WWOX: variants seen among roughly 807,000 people sequenced by gnomAD.
The protein encoded by WWOX is WW domain-containing oxidoreductase.
Under a neutral mutation model 46.2 loss-of-function variants are expected in WWOX, and 69 were observed. The observed-to-expected ratio is 1.49, with a 90% CI of 1.23 to 1.82. The LOEUF (loss-of-function observed/expected upper bound fraction) is 1.82, where lower values mean the gene tolerates loss of function less well. WWOX is among the 40% of genes most tolerant of loss of function. The probability of loss-of-function intolerance (pLI) is 0.00; values close to 1 mark genes in which losing one functional copy is unlikely to be tolerated. For missense variants in WWOX, 919 were observed against 542.6 expected (o/e 1.69, Z -6.89); for synonymous variants, 359 against 202.6 (o/e 1.77, Z -6.56).
chr16:78,685,312 A>G (rs74032724), intron 8 of WWOX, among the ~76,000 whole-genome samples: 13,352 of 152,088 alleles, frequency 0.088, 1,190 homozygotes, highest in African/African-American at 0.23. Flanking sequence ...TTGGGAAGCT[A>G]TTCTGCAGCC....
intron 8 of WWOX, among the ~76,000 whole-genome samples, chr16:78,993,742 T>C (rs1279690923): frequency 6.6e-6 from 1 of 152,176 alleles, no homozygotes; most frequent in Non-Finnish European, 1.5e-5. Context: ...CTAATATTTA[T>C]ATAACACACT....
chr16:78,553,398 G>T (rs1402706131), intron 8 of WWOX: 1 of 152,348 alleles, frequency 6.6e-6, no homozygotes, highest in East Asian at 1.9e-4. Flanking sequence ...GGACACAGGG[G>T]TTGTCTTTAG....
intron 8 of WWOX, 89 bp from the exon 9 acceptor site, chr16:79,211,519 G>C: frequency 2.0e-6 from 3 of 1,537,180 alleles, no homozygotes; most frequent in Non-Finnish European, 2.7e-6. Context: ...AGGTGGGGGA[G>C]GCCTGCTAAT....
chr16:79,133,956 A>C (rs936571605), intron 8 of WWOX, among the ~76,000 whole-genome samples: 3 of 152,190 alleles, frequency 2.0e-5, no homozygotes, highest in African/African-American at 7.2e-5. Flanking sequence ...GCAAGTCCTC[A>C]AGAAGAAAAA....
In WWOX at chr16:78,751,951, C is replaced by G. The variant is rs534280523; in HGVS notation, c.1056+319199C>G. 2.7e-4 allele frequency among the ~76,000 whole-genome samples: 41 copies of G among 152,220 alleles called. No homozygotes were observed. In the South Asian group the frequency reaches 6.4e-3, roughly 24 times the overall value. On this transcript the variant is annotated intron_variant, in intron 8 of 8. Coordinates refer to ENST00000566780, the MANE Select transcript of WWOX (RefSeq NM_016373.4). ...CAACTGTGTCTTTCTTCTGGTGCCT[C>G]CACGTGGAAGTGGGCTGCCACAATA...
chr16:78,794,497 C>T (rs1332006310), intron 8 of WWOX, among the ~76,000 whole-genome samples: 1 of 152,172 alleles, frequency 6.6e-6, no homozygotes, highest in Non-Finnish European at 1.5e-5. Context: ...AGGCAAAATA[C>T]CCAAACTCTC....
chr16:78,845,249 C>T lies in WWOX; in HGVS notation c.1057-366359C>T, dbSNP rs1012605425. 1.1e-4 allele frequency among the ~76,000 whole-genome samples: 17 copies of T among 150,424 alleles called. No individual in the cohort carries two copies. In the East Asian group the frequency reaches 1.4e-3, roughly 12 times the overall value. Reference sequence around the variant, plus strand: ...TGCCTATTAGTCTGCTATTGTGGCTCAAAATGAAACTTAAGACTACATGGC... The same window carrying T: ...TGCCTATTAGTCTGCTATTGTGGCTTAAAATGAAACTTAAGACTACATGGC... On this transcript the variant is annotated intron_variant, in intron 8 of 8. Transcript: ENST00000566780.
intron 8 of WWOX, among the ~76,000 whole-genome samples, chr16:78,444,136 T>A (rs149363714): frequency 2.6e-5 from 4 of 152,324 alleles, no homozygotes; most frequent in Non-Finnish European, 5.9e-5. Context: ...TACACCAAGA[T>A]AAAGAAATAC....
At chr16:78,693,273 C>T (rs964542664) in intron 8 of WWOX, among the ~76,000 whole-genome samples, 4 of 152,154 alleles carry the variant, frequency 2.6e-5, no homozygotes, top group Non-Finnish European at 5.9e-5. Flanking sequence ...GAGGTCTAGC[C>T]TACAAAGAGA....
rs116901565 is a variant in WWOX at position 78,862,178 on chromosome 16, C to T, written c.1057-349430C>T. Among the ~76,000 whole-genome samples, 16 of 151,336 alleles carry T rather than the reference C, an allele frequency of 1.1e-4. No homozygotes were observed. The East Asian group carries it at 1.8e-3, about 17-fold the overall frequency. On this transcript the variant is annotated intron_variant, in intron 8 of 8. Transcript: ENST00000566780. Reference sequence around the variant, plus strand: ...TGTGTCTGTCTGTATCTATACACACCGATGGGTGTGTCTGTCTGTATCTTT... The same window carrying T: ...TGTGTCTGTCTGTATCTATACACACTGATGGGTGTGTCTGTCTGTATCTTT...
intron 5 of WWOX, among the ~76,000 whole-genome samples, chr16:78,294,606 C>T (rs2079913422): frequency 6.6e-6 from 1 of 151,334 alleles, no homozygotes; most frequent in African/African-American, 2.4e-5. Context: ...TATGTCCCCA[C>T]TAGGCTGTGA....
intron 5 of WWOX, among the ~76,000 whole-genome samples, chr16:78,366,143 G>A (rs1452596327): frequency 6.6e-6 from 1 of 152,140 alleles, no homozygotes; most frequent in East Asian, 1.9e-4. Flanking sequence ...TCAATTTACT[G>A]ACCATTTTTG....
chr16:78,278,672 A>G (rs772866469), intron 5 of WWOX: 1 of 1,604,294 alleles, frequency 6.2e-7, no homozygotes, highest in Non-Finnish European at 8.5e-7. Context: ...GAAGGAAAAA[A>G]TAAAAGATCT....
At chr16:78,437,499 T>C (rs1231069653) in intron 8 of WWOX, among the ~76,000 whole-genome samples, 2 of 152,206 alleles carry the variant, frequency 1.3e-5, no homozygotes, top group African/African-American at 4.8e-5. Context: ...AATATAATAA[T>C]CACTAATGAG....
chr16:79,210,864 C>A (rs2051710522), intron 8 of WWOX, among the ~76,000 whole-genome samples: 1 of 152,186 alleles, frequency 6.6e-6, no homozygotes, highest in African/African-American at 2.4e-5. Context: ...AAGTGATCAG[C>A]TGCACTCTTT....
chr16:78,353,744 G>C (rs1339239995), intron 5 of WWOX, among the ~76,000 whole-genome samples: 1 of 151,798 alleles, frequency 6.6e-6, no homozygotes. Flanking sequence ...AAGTGAGCAG[G>C]CTCACCTGCC....
intron 8 of WWOX, among the ~76,000 whole-genome samples, chr16:79,055,705 A>C (rs763537805): frequency 1.3e-5 from 2 of 152,246 alleles, no homozygotes; most frequent in Non-Finnish European, 2.9e-5. Context: ...CAAGGGCAAT[A>C]AATTATGAAT....
intron 6 of WWOX, among the ~76,000 whole-genome samples, chr16:78,388,616 C>T (rs538205788): frequency 7.8e-5 from 10 of 128,950 alleles, no homozygotes; most frequent in Admixed American, 3.9e-4. Flanking sequence ...CACTGCACTC[C>T]AGCCTGGCGA....
chr16:79,186,000 C>T (rs2051007196), intron 8 of WWOX, among the ~76,000 whole-genome samples: 1 of 151,862 alleles, frequency 6.6e-6, no homozygotes, highest in Non-Finnish European at 1.5e-5. Flanking sequence ...AATATGTCTG[C>T]TGGCCTTGAG....
Sources: allele counts gnomAD v4.1 joint callset (sites outside exome capture counted in the v4.1 genomes callset), GRCh38; gene constraint gnomAD v4.1.1; transcripts MANE v1.5; gene names NCBI Gene and HGNC (gene_info 2026-07-23, HGNC 2026-07-21).